Variants in HYKK observed in about 807,000 individuals in gnomAD.
HYKK encodes the protein 5-hydroxy-L-lysine kinase.
In HYKK, 19 loss-of-function variants were observed where a neutral mutation model predicts 29.7. That is an observed-to-expected ratio of 0.64 (90% CI 0.45 to 0.94). The LOEUF (loss-of-function observed/expected upper bound fraction) is 0.94. Among genes scored for constraint, HYKK ranks in the 40% least tolerant of loss-of-function variants. The pLI is 0.00. For synonymous variants in HYKK, 152 were observed against 158.1 expected (o/e 0.96, Z 0.29); for missense variants, 390 against 443.4 (o/e 0.88, Z 1.08).
chr15:78,527,285 C>CAAA (rs564443255), intron 3 of HYKK, 95 bp from the exon 4 acceptor site: 460 of 761,320 alleles, frequency 6.0e-4, no homozygotes, highest in Middle Eastern at 8.3e-4. Context: ...GACTCTGTCT[C>CAAA]AAAAAAAAAA....
rs574293371 is a variant in HYKK at position 78,527,192 on chromosome 15, A to G, written c.478-188A>G. 5.9e-5 allele frequency among the ~76,000 whole-genome samples: 9 copies of G among 151,820 alleles called. No homozygotes were observed. In the East Asian group the frequency reaches 1.6e-3, roughly 26 times the overall value. On this transcript the variant is annotated intron_variant, in intron 3 of 4. Coordinates refer to ENST00000388988, the MANE Select transcript of HYKK (RefSeq NM_001013619.4). ...TCCCAGCTACTCGGGAGGCTGAGGCAGAAGAATCGCTTGAACCCAGGAGGT... is the reference window on the plus strand; with the variant it reads ...TCCCAGCTACTCGGGAGGCTGAGGCGGAAGAATCGCTTGAACCCAGGAGGT...
rs937627169 is a variant in HYKK at position 78,536,585 on chromosome 15, T to C, written c.*2915T>C. ...GGATTTCCTTTCACTCAATTCCTAA[T>C]GCAAATATTGCTGACCACTGTTTAG... On this transcript the variant is annotated 3_prime_UTR_variant, in exon 5 of 5. Transcript: ENST00000388988. The C allele has an allele frequency of 2.6e-5, 4 of 152,244 alleles. No homozygotes were observed. The highest frequency in any genetic ancestry group is 1.3e-4 in the Admixed American group (2 of 15,284). 9.4% of individuals were successfully genotyped at this position (152,244 alleles called of 1,614,324 possible).
intron 3 of HYKK, among the ~76,000 whole-genome samples, chr15:78,521,636 A>G (rs1375055518): frequency 2.0e-5 from 3 of 152,112 alleles, no homozygotes; most frequent in Non-Finnish European, 2.9e-5. Flanking sequence ...GATCAAGGAC[A>G]ACACTGATTT....
chr15:78,513,983 G>A (rs1348040930), intron 2 of HYKK, among the ~76,000 whole-genome samples: 1 of 151,968 alleles, frequency 6.6e-6, no homozygotes, highest in Non-Finnish European at 1.5e-5. Context: ...GTAGAGGCAG[G>A]GTTTCGCCAT....
intron 4 of HYKK, chr15:78,528,251 A>G: frequency 5.7e-6 from 1 of 174,238 alleles, no homozygotes. Flanking sequence ...CCCTACTGTG[A>G]ACTGCGCATG....
At chr15:78,521,440 G>A (rs2052195094) in intron 3 of HYKK, among the ~76,000 whole-genome samples, 1 of 151,866 alleles carries the variant, frequency 6.6e-6, no homozygotes, top group Admixed American at 6.6e-5. Flanking sequence ...GGAGTTATTC[G>A]ATTGGTGCAA....
In HYKK at chr15:78,514,908, C is replaced by CTCTATATATA. The variant is rs766004199; in HGVS notation, c.338-59_338-58insCTATATATAT. ...TAAATACCTCTCTCTCTCTCTCTCT[C>CTCTATATATA]TATATATATATATATATATAAATAA... is the stretch of plus-strand genomic sequence containing the variant. On this transcript the variant is annotated intron_variant, in intron 2 of 4. Transcript: ENST00000388988. 6.9e-4 allele frequency: 265 copies of CTCTATATATA among 385,466 alleles called. 1 individual carries two copies. The highest frequency in any genetic ancestry group is 5.9e-3 in the African/African-American group (238 of 40,470). The allele number at this position is 385,466 out of a possible 1,614,324, so 23.9% of individuals were successfully genotyped here. A position where few individuals can be genotyped will look rare whatever the true frequency, so the allele number is the denominator to read the frequency against.
rs372051532 is a variant in HYKK, at chr15:78,519,052, C to A, written c.477+3945C>A. 1.5e-4 allele frequency among the ~76,000 whole-genome samples: 23 copies of A among 151,776 alleles called. No individual in the cohort carries two copies. The East Asian group carries it at 4.4e-3, about 29-fold the overall frequency. On this transcript the variant is annotated intron_variant, in intron 3 of 4. Transcript: ENST00000388988. ...TCCATGATCCATTATTTAAAGAAAA[C>A]CAGATAAAAATACAAAGAAAAATTA... is the stretch of plus-strand genomic sequence containing the variant.
intron 4 of HYKK, among the ~76,000 whole-genome samples, chr15:78,529,843 C>A (rs1178831992): frequency 7.3e-6 from 1 of 136,796 alleles, no homozygotes; most frequent in Non-Finnish European, 1.7e-5. Flanking sequence ...ATGCATAATT[C>A]TAAATTTTTT....
intron 3 of HYKK, chr15:78,518,647 G>A (rs1483822341): frequency 2.2e-6 from 1 of 453,898 alleles, no homozygotes; most frequent in African/African-American, 2.0e-5. Context: ...GCCGGGCGCA[G>A]TAGCTTACGC....
chr15:78,528,812 A>T (rs1424864526), intron 4 of HYKK: 5 of 982,318 alleles, frequency 5.1e-6, no homozygotes, highest in Non-Finnish European at 6.0e-6. Context: ...AAAAAAAAAA[A>T]AGGGCAAGGA....
intron 4 of HYKK, among the ~76,000 whole-genome samples, chr15:78,530,213 T>A (rs895227625): frequency 7.3e-5 from 11 of 150,040 alleles, no homozygotes; most frequent in East Asian, 5.8e-4. Flanking sequence ...TTTTTTTTTT[T>A]TTTTTGAGCT....
rs145941164 is a variant in HYKK, at chr15:78,510,150, C to A, written c.-6+2479C>A. ...TTCTTTCTTTCTTTCTTTCTTCTTT[C>A]TCTTGCTCTCTCTTCTCTCTTTTCT... On this transcript the variant is annotated intron_variant, in intron 1 of 4. Coordinates refer to ENST00000388988, the MANE Select transcript of HYKK (RefSeq NM_001013619.4). 3.7e-4 allele frequency among the ~76,000 whole-genome samples: 49 copies of A among 132,280 alleles called. No individual in the cohort carries two copies. In the East Asian group the frequency reaches 9.2e-3, roughly 25 times the overall value. The allele number at this position is 132,280 out of a possible 152,430, so 86.8% of individuals were successfully genotyped here. A position where few individuals can be genotyped will look rare whatever the true frequency, so the allele number is the denominator to read the frequency against.
At chr15:78,536,933 AGTCT>A (rs1478007686), downstream of HYKK, among the ~76,000 whole-genome samples, 2 of 152,212 alleles carry the variant, frequency 1.3e-5, no homozygotes, top group Non-Finnish European at 2.9e-5. Flanking sequence ...AGATGGATTC[AGTCT>A]CTCTCCTGGG....
intron 3 of HYKK, among the ~76,000 whole-genome samples, chr15:78,525,170 T>G (rs542968184): frequency 6.6e-6 from 1 of 152,298 alleles, no homozygotes; most frequent in Non-Finnish European, 1.5e-5. Context: ...GTTTATTTAT[T>G]TTTGAGATGG....
intron 1 of HYKK, among the ~76,000 whole-genome samples, chr15:78,508,420 T>A (rs889779124): frequency 1.3e-5 from 2 of 152,214 alleles, no homozygotes; most frequent in African/African-American, 4.8e-5. Flanking sequence ...TGTTACACGT[T>A]GGGAGTGAGG....
chr15:78,521,185 C>T (rs1161333643), intron 3 of HYKK, among the ~76,000 whole-genome samples: 1 of 152,024 alleles, frequency 6.6e-6, no homozygotes, highest in Non-Finnish European at 1.5e-5. Flanking sequence ...CCAAAGTAGG[C>T]AGGAGTTCTG....
intron 3 of HYKK, among the ~76,000 whole-genome samples, chr15:78,520,969 A>AC (rs796547957): frequency 4.7e-5 from 7 of 148,714 alleles, no homozygotes; most frequent in South Asian, 2.2e-4. Flanking sequence ...CGGGGGGCTG[A>AC]CCCCCCCACC....
At chr15:78,529,767 G>T (rs1209893112) in intron 4 of HYKK, among the ~76,000 whole-genome samples, 1 of 152,032 alleles carries the variant, frequency 6.6e-6, no homozygotes, top group Non-Finnish European at 1.5e-5. Flanking sequence ...TCCTTTACTA[G>T]TTATATGTGT....
Sources: allele counts gnomAD v4.1 joint callset (sites outside exome capture counted in the v4.1 genomes callset), GRCh38; gene constraint gnomAD v4.1.1; transcripts MANE v1.5; gene names NCBI Gene and HGNC (gene_info 2026-07-23, HGNC 2026-07-21).